PRH1: variants seen among roughly 807,000 people sequenced by gnomAD.
PRH1 encodes salivary acidic proline-rich phosphoprotein 1/2.
In PRH1, 7 loss-of-function variants were observed where a neutral mutation model predicts 7.9. The observed-to-expected ratio is 0.89, with a 90% CI of 0.50 to 1.67. The LOEUF (loss-of-function observed/expected upper bound fraction) is 1.67. PRH1 is among the 40% of genes most tolerant of loss of function. The pLI, the probability that PRH1 is intolerant of heterozygous loss-of-function variation, is 0.00. For missense variants in PRH1, 109 were observed against 223.6 expected (o/e 0.49, Z 3.27); for synonymous variants, 45 against 80.8 (o/e 0.56, Z 2.38).
At chr12:11,161,515 G>A (rs371356334) in intron 1 of PRH1, among the ~76,000 whole-genome samples, 1 of 152,274 alleles carries the variant, frequency 6.6e-6, no homozygotes. Flanking sequence ...CTGGCCCTAG[G>A]GGAAGTGGTT....
intron 1 of PRH1, among the ~76,000 whole-genome samples, chr12:11,092,548 T>C (rs1489794406): frequency 8.7e-6 from 1 of 115,320 alleles, no homozygotes. Context: ...CTTTTATCAA[T>C]CCTCCCTCCG....
chr12:10,955,260 T>C (rs116603982), intron 2 of PRH1, among the ~76,000 whole-genome samples: 3,022 of 152,106 alleles, frequency 0.02, 35 homozygotes, highest in South Asian at 0.031. Flanking sequence ...AATAAAAATA[T>C]AAATAAATAC....
upstream of PRH1, chr12:11,048,983 G>T: frequency 3.5e-6 from 1 of 287,324 alleles, no homozygotes. Flanking sequence ...TGAAATGCTT[G>T]GTTATTGCTG....
At position 11,093,984 on chromosome 12, in the gene PRH1, C is replaced by T. The variant is rs1294611569; in HGVS notation, n.124-46796G>A. ...CAAAACTCTAACGTCCTCCAAGATG[C>T]AGAATTTGGCCCATCTCAAATCACG... On this transcript the variant is annotated intron_variant and non_coding_transcript_variant, in intron 1 of 4. Coordinates refer to the PRH1 transcript ENST00000541977. Among the ~76,000 whole-genome samples, 14 of 114,418 alleles carry T rather than the reference C, an allele frequency of 1.2e-4. 5 individuals are homozygous for T. Among genetic ancestry groups the T allele is most frequent in the African/African-American group, 3.5e-4 (12 of 33,910 alleles). 75.1% of individuals were successfully genotyped at this position (114,418 alleles called of 152,430 possible). A position where few individuals can be genotyped will look rare whatever the true frequency, so the allele number is the denominator to read the frequency against.
At chr12:10,973,558 G>T (rs984051452) in intron 2 of PRH1, 7 of 675,108 alleles carry the variant, frequency 1.0e-5, no homozygotes, top group African/African-American at 1.8e-5. Context: ...TACACTACTT[G>T]TATAACTGCT....
At chr12:10,948,568 G>T (rs1158582360) in intron 2 of PRH1, among the ~76,000 whole-genome samples, 1 of 152,008 alleles carries the variant, frequency 6.6e-6, no homozygotes, top group Non-Finnish European at 1.5e-5. Context: ...ATTGGGTTTT[G>T]TCTTCCTCCC....
intron 1 of PRH1, among the ~76,000 whole-genome samples, chr12:11,125,095 G>A (rs569678075): frequency 1.8e-4 from 28 of 152,242 alleles, no homozygotes; most frequent in Middle Eastern, 3.4e-3. Flanking sequence ...CACCAGCCTC[G>A]GTCTCCCAGA....
chr12:11,168,287 A>AGGAAG (rs1179618760), intron 1 of PRH1, among the ~76,000 whole-genome samples: 1 of 30,484 alleles, frequency 3.3e-5, no homozygotes, highest in African/African-American at 1.3e-4. Context: ...AAAGAAAGAA[A>AGGAAG]GAAAGAAAGA....
rs755913475 is a variant in PRH1 at position 10,986,085 on chromosome 12, G to A, written c.-125-12364C>T. ...AACAGCCTTGCTAACCATGACAACCGGGTCATTCCGCAGCCTCCTAGGACT... is the reference window on the plus strand; with the variant it reads ...AACAGCCTTGCTAACCATGACAACCAGGTCATTCCGCAGCCTCCTAGGACT... On this transcript the variant is annotated intron_variant, in intron 1 of 3. Transcript: ENST00000539853. The A allele has an allele frequency of 6.8e-6, 11 of 1,613,866 alleles. No homozygotes were observed. In the African/African-American group the frequency reaches 1.3e-4, roughly 20 times the overall value.
chr12:11,091,138 A>G, intron 1 of PRH1: 1 of 123,828 alleles, frequency 8.1e-6, no homozygotes, highest in South Asian at 1.4e-4. Context: ...ATATATATAT[A>G]TATATTTTCT....
chr12:10,902,188 T>G (rs1949732977), intron 2 of PRH1, among the ~76,000 whole-genome samples: 1 of 152,196 alleles, frequency 6.6e-6, no homozygotes, highest in African/African-American at 2.4e-5. Context: ...GCTTCTGGAA[T>G]TGAGAAACTT....
chr12:11,061,628 C>T, intron 1 of PRH1: 1 of 1,614,026 alleles, frequency 6.2e-7, no homozygotes, highest in South Asian at 1.1e-5. Flanking sequence ...TTTATGTGGA[C>T]CTTCATGCTG....
rs554597204 is a variant in PRH1 at position 11,149,763 on chromosome 12, G to A, written n.39+21659C>T. Among the ~76,000 whole-genome samples the A allele has an allele frequency of 1.2e-3, 167 of 138,704 alleles. 3 individuals are homozygous for A. Among genetic ancestry groups the A allele is most frequent in the South Asian group, 6.3e-3 (28 of 4,452 alleles). The allele number at this position is 138,704 out of a possible 152,430, so 91.0% of individuals were successfully genotyped here. A position where few individuals can be genotyped will look rare whatever the true frequency, so the allele number is the denominator to read the frequency against. On this transcript the variant is annotated intron_variant and non_coding_transcript_variant, in intron 1 of 1. Transcript: ENST00000541175. ...CCATTCAGGACATAGGCATGGGCAAGGACTTCATGTCTAAAACACCAAAAG... is the reference window on the plus strand; with the variant it reads ...CCATTCAGGACATAGGCATGGGCAAAGACTTCATGTCTAAAACACCAAAAG...
At chr12:11,071,881 C>T (rs1591951261) in intron 1 of PRH1, among the ~76,000 whole-genome samples, 1 of 152,176 alleles carries the variant, frequency 6.6e-6, no homozygotes, top group Admixed American at 6.5e-5. Flanking sequence ...CAATAACCCC[C>T]CTTACCTTAT....
chr12:11,021,267 C>CA (rs1402990351), intron 1 of PRH1, among the ~76,000 whole-genome samples: 30 of 141,558 alleles, frequency 2.1e-4, no homozygotes, highest in Non-Finnish European at 3.2e-4. Flanking sequence ...ATTAGAGGTT[C>CA]ACCAATGATA....
chr12:10,970,576 G>A (rs12367487), intron 2 of PRH1, among the ~76,000 whole-genome samples: 35,502 of 145,352 alleles, frequency 0.24, 4,124 homozygotes, highest in African/African-American at 0.25. Context: ...TTTTTTTTTC[G>A]TTTTTGAGAT....
In PRH1 at chr12:11,161,637, CAA is replaced by C. The variant is rs932624918; in HGVS notation, n.39+9783_39+9784del. Reference sequence around the variant, plus strand: ...CTGGTTTGCAAATAAGAATTAAGAGCAAGAGAGAGTTCAGAAATCTAAGGTTT... The same window carrying C: ...CTGGTTTGCAAATAAGAATTAAGAGCGAGAGAGTTCAGAAATCTAAGGTTT... On this transcript the variant is annotated intron_variant and non_coding_transcript_variant, in intron 1 of 1. Coordinates refer to the PRH1 transcript ENST00000541175. Among the ~76,000 whole-genome samples the C allele has an allele frequency of 4.0e-5, 6 of 151,828 alleles. No individual in the cohort carries two copies. In the East Asian group the frequency reaches 1.2e-3, roughly 29 times the overall value.
chr12:11,108,742 C>G (rs1285582512), intron 1 of PRH1, among the ~76,000 whole-genome samples: 1 of 152,142 alleles, frequency 6.6e-6, no homozygotes, highest in East Asian at 1.9e-4. Context: ...ACTGAGCGAT[C>G]ATTTGGGCAG....
intron 1 of PRH1, among the ~76,000 whole-genome samples, chr12:11,115,620 T>G (rs1239090007): frequency 6.6e-6 from 1 of 152,166 alleles, no homozygotes; most frequent in Non-Finnish European, 1.5e-5. Flanking sequence ...ACATGGATTT[T>G]TCTCAAGGAT....
Sources: allele counts gnomAD v4.1 joint callset (sites outside exome capture counted in the v4.1 genomes callset), GRCh38; gene constraint gnomAD v4.1.1; transcripts MANE v1.5; gene names NCBI Gene and HGNC (gene_info 2026-07-23, HGNC 2026-07-21).